REEP5: variants seen among roughly 807,000 people sequenced by gnomAD.
REEP5 encodes receptor accessory protein 5, also known as receptor expression-enhancing protein 5.
REEP5 carries 24 observed loss-of-function variants against 22.4 expected under a neutral mutation model. The ratio of observed to expected loss-of-function variants is 1.07; its 90% confidence interval spans 0.78 to 1.51. The LOEUF (loss-of-function observed/expected upper bound fraction) is 1.51, where lower values mean the gene tolerates loss of function less well. Ranked by LOEUF, REEP5 falls within the 40% of genes most tolerant of loss-of-function variation. The probability of loss-of-function intolerance (pLI) is 0.00; values close to 1 mark genes in which losing one functional copy is unlikely to be tolerated. For synonymous variants in REEP5, 103 were observed against 88.6 expected (o/e 1.16, Z -0.92); for missense variants, 252 against 233.0 (o/e 1.08, Z -0.53).
At chr5:112,898,919 C>G in intron 3 of REEP5, among the ~76,000 whole-genome samples, 1 of 152,136 alleles carries the variant, frequency 6.6e-6, no homozygotes, top group East Asian at 1.9e-4. Flanking sequence ...AATTGCCTTA[C>G]AAGGCATTCT....
intron 2 of REEP5, among the ~76,000 whole-genome samples, chr5:112,915,779 A>G (rs2150048251): frequency 6.6e-6 from 1 of 152,270 alleles, no homozygotes; most frequent in African/African-American, 2.4e-5. Flanking sequence ...ATATAGATCC[A>G]GAGAGAAAAG....
chr5:112,902,490 C>G lies in REEP5; in HGVS notation c.241G>C (p.Glu81Gln). The stretch of plus-strand genomic sequence containing the variant: ...TAGGTCAGCCACTGGGTATCATCTT[C>G]TTTGTTGGGACTCTCTATAGCTTTA... ...SIKAIESPNK[E>Q]DDTQWLTYWV... is the part of the protein sequence containing the mutation. The change falls in exon 3 of 5, where the codon GAA (glutamate) becomes CAA (glutamine). Residue 81 changes from glutamate to glutamine, a missense_variant. Transcript: ENST00000379638. 6.2e-7 allele frequency: 1 copy of G among 1,608,858 alleles called. No homozygotes were observed. Among genetic ancestry groups the G allele is most frequent in the Non-Finnish European group, 8.5e-7 (1 of 1,178,274 alleles).
At chr5:112,904,730 G>T (rs1768918224) in intron 2 of REEP5, among the ~76,000 whole-genome samples, 1 of 152,020 alleles carries the variant, frequency 6.6e-6, no homozygotes, top group Admixed American at 6.6e-5. Context: ...AAACCATTCT[G>T]ATATTTTAAA....
At chr5:112,915,989 C>T (rs750846378) in intron 2 of REEP5, among the ~76,000 whole-genome samples, 3 of 152,036 alleles carry the variant, frequency 2.0e-5, no homozygotes, top group African/African-American at 4.8e-5. Flanking sequence ...AACAGCTCTG[C>T]TTCCAGTGAC....
chr5:112,898,597 G>C (rs1768765699), intron 3 of REEP5, among the ~76,000 whole-genome samples: 1 of 152,104 alleles, frequency 6.6e-6, no homozygotes, highest in African/African-American at 2.4e-5. Context: ...GAAGTCTGAG[G>C]TCAGAACTAC....
At chr5:112,892,609 CAAT>C (rs1411851054) in intron 3 of REEP5, 1 of 1,614,092 alleles carries the variant, frequency 6.2e-7, no homozygotes, top group East Asian at 2.2e-5. Context: ...TGAAATACAA[CAAT>C]GTCCAAGAGG....
At chr5:112,917,631 G>A (rs374184587) in intron 2 of REEP5, among the ~76,000 whole-genome samples, 22 of 152,100 alleles carry the variant, frequency 1.4e-4, no homozygotes, top group African/African-American at 5.1e-4. Flanking sequence ...GCTCACTAGC[G>A]CCCACCCTGG....
In REEP5 at chr5:112,880,571, A is replaced by G. The variant is rs553980777; in HGVS notation, c.521-1736T>C. Among the ~76,000 whole-genome samples, 29 of 152,354 alleles carry G rather than the reference A, an allele frequency of 1.9e-4. No individual in the cohort carries two copies. The South Asian group carries it at 5.8e-3, about 30-fold the overall frequency. On this transcript the variant is annotated intron_variant, in intron 4 of 4. Coordinates refer to ENST00000379638, the MANE Select transcript of REEP5 (RefSeq NM_005669.5). ...AGAAAATGTAGTCCTTCCCTTAACT[A>G]ACCCTTTGTAGAAATTCCTAGTTAA...
At chr5:112,920,091 C>T (rs1769321298) in intron 2 of REEP5, among the ~76,000 whole-genome samples, 1 of 152,304 alleles carries the variant, frequency 6.6e-6, no homozygotes, top group South Asian at 2.1e-4. Flanking sequence ...CCGGGGTAGG[C>T]CTCAGGGCTA....
chr5:112,910,348 A>T (rs1769069069), intron 2 of REEP5, among the ~76,000 whole-genome samples: 1 of 152,146 alleles, frequency 6.6e-6, no homozygotes, highest in Admixed American at 6.5e-5. Context: ...GGTGATGCTG[A>T]TGGTAGAGGA....
At chr5:112,899,124 G>C (rs1464516015) in intron 3 of REEP5, among the ~76,000 whole-genome samples, 1 of 152,086 alleles carries the variant, frequency 6.6e-6, no homozygotes, top group Non-Finnish European at 1.5e-5. Flanking sequence ...TGTCACCCAG[G>C]CTAGAGTGCA....
chr5:112,901,643 C>T (rs1025233751), intron 3 of REEP5, among the ~76,000 whole-genome samples: 1 of 149,922 alleles, frequency 6.7e-6, no homozygotes, highest in South Asian at 2.1e-4. Flanking sequence ...ACCCAGGATG[C>T]GGAGGTTGCA....
intron 2 of REEP5, among the ~76,000 whole-genome samples, chr5:112,910,382 G>T (rs939877407): frequency 3.3e-5 from 5 of 152,020 alleles, no homozygotes; most frequent in Admixed American, 6.6e-5. Context: ...TAGGCGTAGT[G>T]GGTACATGGG....
chr5:112,914,104 T>C (rs1022261994), intron 2 of REEP5, among the ~76,000 whole-genome samples: 1 of 150,582 alleles, frequency 6.6e-6, no homozygotes, highest in African/African-American at 2.4e-5. Context: ...GTTCATGCCA[T>C]TGCACTCAGC....
intron 3 of REEP5, chr5:112,891,712 A>C (rs1463280882): frequency 6.2e-7 from 1 of 1,614,016 alleles, no homozygotes; most frequent in Non-Finnish European, 8.5e-7. Context: ...CAAAAAGTAC[A>C]GGGCCGCCCT....
chr5:112,905,339 A>C (rs113951926), intron 2 of REEP5, among the ~76,000 whole-genome samples: 3 of 152,036 alleles, frequency 2.0e-5, no homozygotes, highest in African/African-American at 7.2e-5. Flanking sequence ...TCAGAAGTTC[A>C]AGACCAGCCT....
At chr5:112,897,350 A>AACACACACACAC (rs1768719555) in intron 3 of REEP5, 6 of 129,446 alleles carry the variant, frequency 4.6e-5, no homozygotes, top group African/African-American at 1.3e-4. Flanking sequence ...AACACATCCC[A>AACACACACACAC]TCACACACAC....
chr5:112,904,486 A>G (rs1331317016), intron 2 of REEP5, among the ~76,000 whole-genome samples: 1 of 152,236 alleles, frequency 6.6e-6, no homozygotes, highest in Non-Finnish European at 1.5e-5. Context: ...TGTGAACGCA[A>G]TAGCTCACAA....
At chr5:112,900,552 A>G (rs567816122) in intron 3 of REEP5, among the ~76,000 whole-genome samples, 270 of 152,294 alleles carry the variant, frequency 1.8e-3, no homozygotes, top group Non-Finnish European at 3.1e-3. Flanking sequence ...AGAGCTGTGA[A>G]CTATAACCCA....
Sources: gnomAD v4.1 joint callset for allele counts (sites outside exome capture counted in the v4.1 genomes callset) on GRCh38, gnomAD v4.1.1 for gene constraint, MANE v1.5 for transcripts, NCBI Gene and HGNC (gene_info 2026-07-23, HGNC 2026-07-21) for gene names.